Variants in CNOT10 observed in about 807,000 individuals in gnomAD.
The protein encoded by CNOT10 is CCR4-NOT transcription complex, subunit 10.
A neutral mutation model predicts 94.6 loss-of-function variants in CNOT10; 30 were observed. That is an observed-to-expected ratio of 0.32 (90% CI 0.24 to 0.43). The LOEUF is 0.43. CNOT10 is among the 20% of genes least tolerant of loss of function. The pLI, the probability that CNOT10 is intolerant of heterozygous loss-of-function variation, is 1.00. For missense variants in CNOT10, 759 were observed against 877.2 expected (o/e 0.87, Z 1.70); for synonymous variants, 289 against 301.6 (o/e 0.96, Z 0.43).
At chr3:32,740,140 A>G (rs1263291062) in intron 13 of CNOT10, among the ~76,000 whole-genome samples, 2 of 152,128 alleles carry the variant, frequency 1.3e-5, no homozygotes, top group Non-Finnish European at 2.9e-5. Flanking sequence ...CCCTCTACCC[A>G]GTTTTCTCAA....
intron 3 of CNOT10, 103 bp downstream of exon 3, chr3:32,705,075 T>C: frequency 3.8e-6 from 3 of 787,600 alleles, no homozygotes; most frequent in South Asian, 4.8e-5. Flanking sequence ...TGGTATTTCT[T>C]GTCAGAAACA....
intron 13 of CNOT10, among the ~76,000 whole-genome samples, chr3:32,746,281 G>A (rs942072122): frequency 1.3e-5 from 2 of 152,132 alleles, no homozygotes; most frequent in East Asian, 1.9e-4. Flanking sequence ...CTGTGGACAG[G>A]GTTGCAGGGG....
At chr3:32,756,435 C>T (rs533991976) in intron 13 of CNOT10, among the ~76,000 whole-genome samples, 1 of 152,236 alleles carries the variant, frequency 6.6e-6, no homozygotes, top group South Asian at 2.1e-4. Flanking sequence ...GATTTCTGGA[C>T]CCAAAGTGGG....
Position 32,773,672 on chromosome 3 carries a change from T to G in CNOT10, c.*61T>G. ...GGGGAGAATTTACTGGCCATTTTAG[T>G]TGTATCACAGCAGAATGAATAAAAG... On this transcript the variant is annotated 3_prime_UTR_variant, in exon 19 of 19. Transcript: ENST00000328834. 1 of 1,511,270 alleles carries G rather than the reference T, an allele frequency of 6.6e-7. No individual in the cohort carries two copies. The highest frequency in any genetic ancestry group is 9.0e-7 in the Non-Finnish European group (1 of 1,113,402). The allele number at this position is 1,511,270 out of a possible 1,614,324, so 93.6% of individuals were successfully genotyped here. A position where few individuals can be genotyped will look rare whatever the true frequency, so the allele number is the denominator to read the frequency against.
intron 1 of CNOT10, chr3:32,693,514 A>G (rs1176623503): frequency 6.6e-6 from 1 of 150,974 alleles, no homozygotes; most frequent in African/African-American, 2.4e-5. Flanking sequence ...AAGTGTTTTT[A>G]ATATTAGAAT....
intron 1 of CNOT10, among the ~76,000 whole-genome samples, chr3:32,698,585 AG>A (rs1307506420): frequency 2.6e-5 from 4 of 152,200 alleles, no homozygotes; most frequent in Admixed American, 2.6e-4. Flanking sequence ...AAAGTGGGGA[AG>A]GGAGCTATAT....
chr3:32,719,352 G>A (rs1489556838), intron 7 of CNOT10, among the ~76,000 whole-genome samples: 2 of 152,186 alleles, frequency 1.3e-5, no homozygotes, highest in African/African-American at 2.4e-5. Context: ...CCTAGGAGGC[G>A]GAGGTTGCAG....
chr3:32,768,176 G>C (rs1445223225), intron 17 of CNOT10, among the ~76,000 whole-genome samples: 2 of 152,114 alleles, frequency 1.3e-5, no homozygotes, highest in Non-Finnish European at 2.9e-5. Flanking sequence ...GTATCATAAA[G>C]ATGTTGCCTT....
At chr3:32,758,395 G>A (rs1455980303) in intron 13 of CNOT10, among the ~76,000 whole-genome samples, 1 of 152,144 alleles carries the variant, frequency 6.6e-6, no homozygotes, top group Admixed American at 6.6e-5. Context: ...GGAACCAAAA[G>A]TTAGCAAGTG....
At position 32,691,635 on chromosome 3, in the gene CNOT10, G is replaced by A. The variant is rs569815232; in HGVS notation, c.22+6153G>A. Among the ~76,000 whole-genome samples the A allele has an allele frequency of 9.9e-5, 15 of 152,206 alleles. No individual in the cohort carries two copies. In the South Asian group the frequency reaches 1.0e-3, roughly 11 times the overall value. ...TTTAATGTTGAATCATTTCAAAATA[G>A]GTTATAAACATCATAACACTTCATC... is the stretch of plus-strand genomic sequence containing the variant. On this transcript the variant is annotated intron_variant, in intron 1 of 18. Transcript: ENST00000328834.
At chr3:32,724,659 A>G (rs1443461336) in intron 8 of CNOT10, among the ~76,000 whole-genome samples, 1 of 151,924 alleles carries the variant, frequency 6.6e-6, no homozygotes, top group African/African-American at 2.4e-5. Flanking sequence ...TGATCCGCCC[A>G]CCTCGGCCTC....
intron 13 of CNOT10, among the ~76,000 whole-genome samples, chr3:32,752,010 G>A (rs1188001392): frequency 6.6e-6 from 1 of 152,140 alleles, no homozygotes; most frequent in African/African-American, 2.4e-5. Flanking sequence ...TAATTCTTCA[G>A]GCCAGGTGGA....
intron 13 of CNOT10, among the ~76,000 whole-genome samples, chr3:32,752,483 C>T (rs1700006499): frequency 1.3e-5 from 2 of 152,120 alleles, no homozygotes; most frequent in Non-Finnish European, 2.9e-5. Context: ...TTATTTGCTG[C>T]CCAGGATAAG....
rs1699104778 is a variant in CNOT10, at chr3:32,734,795, T to C, written c.1338-5T>C. 6.3e-7 allele frequency: 1 copy of C among 1,578,604 alleles called. No homozygotes were observed. The stretch of plus-strand genomic sequence containing the variant: ...ACTTAGCTAATTTGGTTTTGTTCTT[T>C]TAAGTGATGGGCAGTCTTCGGCCAT... On this transcript the variant is annotated splice_polypyrimidine_tract_variant and splice_region_variant and intron_variant, in intron 11 of 18. Transcript: ENST00000328834.
chr3:32,773,647 GGGGAGAA>G lies in CNOT10; in HGVS notation c.*37_*43del. ...TTGGAAAACTGTTACCTGAGACCCA[GGGGAGAA>G]TTTACTGGCCATTTTAGTTGTATCA... On this transcript the variant is annotated 3_prime_UTR_variant, in exon 19 of 19. Transcript: ENST00000328834. 2 of 1,572,700 alleles carry G rather than the reference GGGGAGAA, an allele frequency of 1.3e-6. No homozygotes were observed. The highest frequency in any genetic ancestry group is 2.3e-5 in the South Asian group (2 of 85,558).
At chr3:32,721,157 G>A (rs1399802665) in intron 8 of CNOT10, among the ~76,000 whole-genome samples, 1 of 140,390 alleles carries the variant, frequency 7.1e-6, no homozygotes, top group Non-Finnish European at 1.5e-5. Flanking sequence ...CCTCCCTCCC[G>A]GGTTCAAGCA....
At chr3:32,740,848 C>T (rs531303829) in intron 13 of CNOT10, among the ~76,000 whole-genome samples, 19 of 144,450 alleles carry the variant, frequency 1.3e-4, no homozygotes, top group African/African-American at 4.8e-4. Context: ...GACGACAGAG[C>T]GAGACTCCGT....
chr3:32,723,466 G>A (rs1698514136), intron 8 of CNOT10, among the ~76,000 whole-genome samples: 1 of 151,798 alleles, frequency 6.6e-6, no homozygotes, highest in Non-Finnish European at 1.5e-5. Flanking sequence ...TCAGAGAGAT[G>A]AAGGATTAAC....
At chr3:32,749,577 A>G (rs1699867816) in intron 13 of CNOT10, among the ~76,000 whole-genome samples, 1 of 151,560 alleles carries the variant, frequency 6.6e-6, no homozygotes, top group African/African-American at 2.4e-5. Flanking sequence ...CACCTGGCTA[A>G]TTTTGTATTT....
Sources: gnomAD v4.1 joint callset for allele counts (sites outside exome capture counted in the v4.1 genomes callset) on GRCh38, gnomAD v4.1.1 for gene constraint, MANE v1.5 for transcripts, NCBI Gene and HGNC (gene_info 2026-07-23, HGNC 2026-07-21) for gene names.